The following DHRS3 variants were observed in gnomAD, a reference collection of about 807,000 sequenced individuals.
The protein encoded by DHRS3 is short-chain dehydrogenase/reductase 3.
A neutral mutation model predicts 27.2 loss-of-function variants in DHRS3; 14 were observed. The ratio of observed to expected loss-of-function variants is 0.52; its 90% confidence interval spans 0.34 to 0.81. The LOEUF (loss-of-function observed/expected upper bound fraction) is 0.81. Among genes scored for constraint, DHRS3 ranks in the 30% least tolerant of loss-of-function variants. DHRS3 has a pLI of 0.01. For missense variants in DHRS3, 322 were observed against 406.2 expected (o/e 0.79, Z 1.78); for synonymous variants, 165 against 175.9 (o/e 0.94, Z 0.49).
intron 1 of DHRS3, among the ~76,000 whole-genome samples, chr1:12,612,807 C>T (rs939299489): frequency 1.3e-5 from 2 of 152,032 alleles, no homozygotes; most frequent in Non-Finnish European, 2.9e-5. Context: ...ACCTGTAATC[C>T]GAGCACTTCG....
At chr1:12,602,882 C>A (rs570131349) in intron 1 of DHRS3, among the ~76,000 whole-genome samples, 1 of 152,264 alleles carries the variant, frequency 6.6e-6, no homozygotes, top group Non-Finnish European at 1.5e-5. Flanking sequence ...CGGCCTCTAC[C>A]GCCCAAAAGA....
chr1:12,592,907 C>T lies in DHRS3; in HGVS notation c.196-12241G>A, dbSNP rs1646758726. Among the ~76,000 whole-genome samples, 1 of 152,198 alleles carries T rather than the reference C, an allele frequency of 6.6e-6. No homozygotes were observed. Among genetic ancestry groups the T allele is most frequent in the Non-Finnish European group, 1.5e-5 (1 of 68,036 alleles). ...ACTGTATGCCCACTCCACCACGCAC[C>T]CTGTCAGCCTGACCTCTGAAATCCA... On this transcript the variant is annotated intron_variant, in intron 1 of 5. Transcript: ENST00000616661. This position sits in a 1 kb window ranked among gnomAD's most constrained non-coding sequence, Gnocchi z 4.2.
At chr1:12,615,478 C>A (rs983099882) in intron 1 of DHRS3, among the ~76,000 whole-genome samples, 5 of 152,106 alleles carry the variant, frequency 3.3e-5, no homozygotes, top group African/African-American at 1.2e-4. Flanking sequence ...ATCACACCCA[C>A]CCCCCAATGC....
chr1:12,605,171 G>A (rs916485381), intron 1 of DHRS3, among the ~76,000 whole-genome samples: 9 of 151,376 alleles, frequency 5.9e-5, no homozygotes, highest in African/African-American at 1.5e-4. Context: ...TGTTACCATC[G>A]TCACACACAT....
At chr1:12,568,689 G>T (rs1218578549) in intron 5 of DHRS3, among the ~76,000 whole-genome samples, 2 of 152,186 alleles carry the variant, frequency 1.3e-5, no homozygotes, top group Non-Finnish European at 2.9e-5. Context: ...ACTTTGGGAG[G>T]CCGAGATGGG....
intron 1 of DHRS3, among the ~76,000 whole-genome samples, chr1:12,604,663 G>C (rs1208346746): frequency 6.6e-6 from 1 of 152,182 alleles, no homozygotes; most frequent in Non-Finnish European, 1.5e-5. Flanking sequence ...TTGTTGCAGT[G>C]GGAAAAGATG....
At chr1:12,580,701 T>C (rs752859950) in intron 1 of DHRS3, 35 bp from the exon 2 acceptor site, 7 of 1,586,114 alleles carry the variant, frequency 4.4e-6, no homozygotes, top group Non-Finnish European at 6.0e-6. Flanking sequence ...GAACAAATGG[T>C]CATTAAGCCA....
chr1:12,606,621 C>T (rs996324686), intron 1 of DHRS3, among the ~76,000 whole-genome samples: 1 of 151,984 alleles, frequency 6.6e-6, no homozygotes, highest in Non-Finnish European at 1.5e-5. Flanking sequence ...TCCCGAGTAG[C>T]TGAGATTACA....
intron 3 of DHRS3, 45 bp downstream of exon 3, chr1:12,579,248 C>CT: frequency 3.7e-6 from 6 of 1,613,800 alleles, no homozygotes; most frequent in Non-Finnish European, 3.4e-6. Flanking sequence ...CCTGCCTGGG[C>CT]TCCCTGCACG....
intron 1 of DHRS3, among the ~76,000 whole-genome samples, chr1:12,584,919 A>AT (rs1646679341): frequency 6.8e-6 from 1 of 147,418 alleles, no homozygotes; most frequent in Admixed American, 6.7e-5. Context: ...CTATGAGTGT[A>AT]TCTGTGAGTG....
chr1:12,570,576 T>C (rs941660347), intron 5 of DHRS3, among the ~76,000 whole-genome samples: 2 of 152,218 alleles, frequency 1.3e-5, no homozygotes, highest in African/African-American at 4.8e-5. Flanking sequence ...GGGTGGCTCC[T>C]GCTTCCTGTT....
At chr1:12,615,189 A>G (rs977101777) in intron 1 of DHRS3, among the ~76,000 whole-genome samples, 1 of 150,716 alleles carries the variant, frequency 6.6e-6, no homozygotes, top group Admixed American at 6.6e-5. Flanking sequence ...TAGCTCCAGA[A>G]GCCTCATTAT....
At chr1:12,615,690 CCCACGT>C (rs1017522891) in intron 1 of DHRS3, among the ~76,000 whole-genome samples, 1 of 152,110 alleles carries the variant, frequency 6.6e-6, no homozygotes, top group African/African-American at 2.4e-5. Context: ...TGTCCCAAAC[CCCACGT>C]CCGCCCCAAA....
chr1:12,572,313 G>A (rs1204364541), intron 5 of DHRS3, among the ~76,000 whole-genome samples: 7 of 151,986 alleles, frequency 4.6e-5, no homozygotes, highest in African/African-American at 7.2e-5. Flanking sequence ...GACTACAGGC[G>A]CCCACCACCA....
intron 1 of DHRS3, among the ~76,000 whole-genome samples, chr1:12,595,535 G>A (rs1646788454): frequency 2.0e-5 from 3 of 149,418 alleles, no homozygotes; most frequent in Admixed American, 6.7e-5. Flanking sequence ...TAGATGGGGA[G>A]GGGGCGGGGC....
rs1364619382 is a variant in DHRS3, at chr1:12,617,525, A to AG, written c.-178_-177insC. The AG allele has an allele frequency of 3.2e-4, 145 of 449,504 alleles. No individual in the cohort carries two copies. In the East Asian group the frequency reaches 4.8e-3, roughly 15 times the overall value. 27.8% of individuals were successfully genotyped at this position (449,504 alleles called of 1,614,324 possible). ...AAAGCACCGGGTGAGAAAAAGAAAA[A>AG]AAAAAAAAAAAAAAAGATAAATTCT... is the stretch of plus-strand genomic sequence containing the variant. On this transcript the variant is annotated 5_prime_UTR_variant, in exon 1 of 6. Coordinates refer to ENST00000616661, the MANE Select transcript of DHRS3 (RefSeq NM_004753.7).
At chr1:12,583,383 CCCATCCAT>C (rs747557934) in intron 1 of DHRS3, among the ~76,000 whole-genome samples, 2 of 138,058 alleles carry the variant, frequency 1.4e-5, no homozygotes, top group Admixed American at 1.4e-4. Flanking sequence ...CCCACCCCAC[CCCATCCAT>C]CCATCCATCC....
At chr1:12,600,294 G>A in intron 1 of DHRS3, 8 of 953,936 alleles carry the variant, frequency 8.4e-6, no homozygotes, top group Non-Finnish European at 1.0e-5. Context: ...CCAAAGCCAA[G>A]GCATGGATCT....
chr1:12,575,384 C>T (rs11121941), intron 4 of DHRS3, among the ~76,000 whole-genome samples: 24,891 of 151,934 alleles, frequency 0.16, 2,246 homozygotes, highest in East Asian at 0.27. Flanking sequence ...ATAACATCCA[C>T]TGACATGGCC....
Sources: allele counts gnomAD v4.1 joint callset (sites outside exome capture counted in the v4.1 genomes callset), GRCh38; gene constraint gnomAD v4.1.1; non-coding constraint Gnocchi (gnomAD v3.1); transcripts MANE v1.5; gene names NCBI Gene and HGNC (gene_info 2026-07-23, HGNC 2026-07-21).